The following DOK3 variants were observed in gnomAD, a reference collection of about 807,000 sequenced individuals.
The protein encoded by DOK3 is Dok-like protein.
Under a neutral mutation model 26.2 loss-of-function variants are expected in DOK3, and 23 were observed. That is an observed-to-expected ratio of 0.88 (90% CI 0.63 to 1.24). DOK3 has a LOEUF of 1.24. Among genes scored for constraint, DOK3 ranks in the 50% most tolerant of loss-of-function variants. The pLI, the probability that DOK3 is intolerant of heterozygous loss-of-function variation, is 0.00. For missense variants in DOK3, 619 were observed against 610.6 expected (o/e 1.01, Z -0.15); for synonymous variants, 268 against 268.2 (o/e 1.00, Z 0.01).
At position 177,503,284 on chromosome 5, in the gene DOK3, G is replaced by A. The variant is rs1467953064; in HGVS notation, c.*699C>T. The stretch of plus-strand genomic sequence containing the variant: ...ACACGGCTGTGTCCCCCAGCGCCTG[G>A]CACTGAGTAGGCACGCAGCAAACTC... On this transcript the variant is annotated 3_prime_UTR_variant, in exon 6 of 6. Coordinates refer to ENST00000510898, the MANE Select transcript of DOK3 (RefSeq NM_001308236.3). The A allele has an allele frequency of 6.5e-7, 1 of 1,550,356 alleles. No individual in the cohort carries two copies. Among genetic ancestry groups the A allele is most frequent in the Non-Finnish European group, 8.7e-7 (1 of 1,145,764 alleles).
At position 177,502,882 on chromosome 5, in the gene DOK3, C is replaced by A; in HGVS notation, c.*1101G>T. On this transcript the variant is annotated 3_prime_UTR_variant, in exon 6 of 6. Coordinates refer to ENST00000510898, the MANE Select transcript of DOK3 (RefSeq NM_001308236.3). The stretch of plus-strand genomic sequence containing the variant: ...TGGAGAACAAAGAGGGGATGGTGGG[C>A]AGAGGCCTCGAAGAGCCAGAAAAGG... 1 of 612,558 alleles carries A rather than the reference C, an allele frequency of 1.6e-6. No homozygotes were observed. 37.9% of individuals were successfully genotyped at this position (612,558 alleles called of 1,614,324 possible).
rs761557450 is a variant in DOK3 at position 177,504,584 on chromosome 5, G to A, written c.722C>T (p.Pro241Leu). ...CCCGGCCACAGCCCTGCACAGGTCA[G>A]GGGCACAGGGGGTGCTGAAGGCAAA... ...GLFAFSTPCA[P>L]DLCRAVAGAI... Residue 241 changes from proline (P) to leucine (L), a missense_variant, in exon 6 of 6, where the codon CCT becomes CTT. By Grantham distance (98) the Pro-to-Leu change is moderately conservative. Coordinates refer to ENST00000510898, the MANE Select transcript of DOK3 (RefSeq NM_001308236.3). 2.7e-5 allele frequency: 44 copies of A among 1,606,702 alleles called. No individual in the cohort carries two copies. In the Middle Eastern group the frequency reaches 5.0e-4, roughly 18 times the overall value.
rs1760743525 is a variant in DOK3, at chr5:177,509,768, C to A, written c.-128G>T. 2.5e-6 allele frequency: 4 copies of A among 1,611,832 alleles called. No homozygotes were observed. The highest frequency in any genetic ancestry group is 2.2e-5 in the East Asian group (1 of 44,864). On this transcript the variant is annotated 5_prime_UTR_variant, in exon 1 of 6. Coordinates refer to ENST00000510898, the MANE Select transcript of DOK3 (RefSeq NM_001308236.3). Reference sequence around the variant, plus strand: ...GGTGCCCACACCTACCTGGAGGGAGCCCCCGGCCACCTGAAGGCAGCCTTC... The same window carrying A: ...GGTGCCCACACCTACCTGGAGGGAGACCCCGGCCACCTGAAGGCAGCCTTC...
Position 177,502,910 on chromosome 5 carries a change from C to A in DOK3, c.*1073G>T. The A allele has an allele frequency of 1.4e-6, 1 of 728,334 alleles. No individual in the cohort carries two copies. The highest frequency in any genetic ancestry group is 2.2e-6 in the Non-Finnish European group (1 of 451,568). The allele number at this position is 728,334 out of a possible 1,614,324, so 45.1% of individuals were successfully genotyped here. A position where few individuals can be genotyped will look rare whatever the true frequency, so the allele number is the denominator to read the frequency against. Reference sequence around the variant, plus strand: ...AGGCCTCGAAGAGCCAGAAAAGGGTCCCTGCAGGTCGACATGCCTAGGCAG... The same window carrying A: ...AGGCCTCGAAGAGCCAGAAAAGGGTACCTGCAGGTCGACATGCCTAGGCAG... On this transcript the variant is annotated 3_prime_UTR_variant, in exon 6 of 6. Transcript: ENST00000510898.
At position 177,504,629 on chromosome 5, in the gene DOK3, C is replaced by T. The variant is rs1205443503; in HGVS notation, c.677G>A (p.Cys226Tyr). Reference sequence around the variant, plus strand: ...GGCAAAGAGGCCCTCACCCGAGTGGCAGCGACGGCCGGCCTCAAAGGAGAA... The same window carrying T: ...GGCAAAGAGGCCCTCACCCGAGTGGTAGCGACGGCCGGCCTCAAAGGAGAA... The part of the protein sequence containing the change: ...GVFSFEAGRR[C>Y]HSGEGLFAFS... The change falls in exon 6 of 6, where the codon TGC becomes TAC. Residue 226 changes from cysteine (C) to tyrosine (Y), a missense_variant. Physicochemically the swap from Cys to Tyr is radical, Grantham distance 194. Transcript: ENST00000510898. 1.2e-6 allele frequency: 2 copies of T among 1,611,528 alleles called. No individual in the cohort carries two copies. The highest frequency in any genetic ancestry group is 8.5e-7 in the Non-Finnish European group (1 of 1,179,540).
At position 177,503,228 on chromosome 5, in the gene DOK3, C is replaced by T; in HGVS notation, c.*755G>A. The T allele has an allele frequency of 6.4e-7, 1 of 1,551,690 alleles. No homozygotes were observed. The highest frequency in any genetic ancestry group is 1.7e-4 in the Middle Eastern group (1 of 5,992). On this transcript the variant is annotated 3_prime_UTR_variant, in exon 6 of 6. Transcript: ENST00000510898. ...AACTTCTCTCCCCCTGGAATGTCGGCTCCCGGAGAACAGGACCAAGGCTGT... is the reference window on the plus strand; with the variant it reads ...AACTTCTCTCCCCCTGGAATGTCGGTTCCCGGAGAACAGGACCAAGGCTGT...
At chr5:177,506,928 C>G (rs369062351) in intron 3 of DOK3, among the ~76,000 whole-genome samples, 1 of 152,020 alleles carries the variant, frequency 6.6e-6, no homozygotes, top group Non-Finnish European at 1.5e-5. Flanking sequence ...TCAGGTGATC[C>G]GCCCGCCTCG....
intron 2 of DOK3, 65 bp downstream of exon 2, chr5:177,509,410 G>A: frequency 6.4e-7 from 1 of 1,552,872 alleles, no homozygotes; most frequent in Non-Finnish European, 8.7e-7. Context: ...CGAGGCAGGG[G>A]CAGAGGCTGC....
chr5:177,507,273 T>G (rs1477065399), intron 3 of DOK3, among the ~76,000 whole-genome samples: 2 of 152,002 alleles, frequency 1.3e-5, no homozygotes, highest in Non-Finnish European at 2.9e-5. Flanking sequence ...TACCTCAGCC[T>G]CCCAAAGTGC....
Position 177,503,091 on chromosome 5 carries a change from G to C in DOK3, c.*892C>G. ...TGCAGCTGAGGTGGAGTTGCGGTGAGGGGCTGGGCAGTCAGAGCCCTGGAG... is the reference window on the plus strand; with the variant it reads ...TGCAGCTGAGGTGGAGTTGCGGTGACGGGCTGGGCAGTCAGAGCCCTGGAG... On this transcript the variant is annotated 3_prime_UTR_variant, in exon 6 of 6. Transcript: ENST00000510898. 1 of 1,549,624 alleles carries C rather than the reference G, an allele frequency of 6.5e-7. No individual in the cohort carries two copies. The highest frequency in any genetic ancestry group is 8.7e-7 in the Non-Finnish European group (1 of 1,145,384).
At chr5:177,508,704 T>G in intron 2 of DOK3, 162 bp from the exon 3 acceptor site, 1 of 735,190 alleles carries the variant, frequency 1.4e-6, no homozygotes, top group Non-Finnish European at 2.1e-6. Context: ...TGCTTGGGAT[T>G]GGTCAGCCCT....
chr5:177,504,932 G>A lies in DOK3; in HGVS notation c.473-17C>T. On this transcript the variant is annotated splice_polypyrimidine_tract_variant and intron_variant, in intron 4 of 5. Coordinates refer to ENST00000510898, the MANE Select transcript of DOK3 (RefSeq NM_001308236.3). ...ACTCGCCCACTGTGGCAGGTGGCCAGGACAGCTCCGTCAGTCCCAAAAAGA... is the reference window on the plus strand; with the variant it reads ...ACTCGCCCACTGTGGCAGGTGGCCAAGACAGCTCCGTCAGTCCCAAAAAGA... The A allele has an allele frequency of 6.3e-7, 1 of 1,580,506 alleles. No homozygotes were observed. The highest frequency in any genetic ancestry group is 1.8e-5 in the Admixed American group (1 of 57,108).
Position 177,503,885 on chromosome 5 carries a change from C to G in DOK3, c.*98G>C. 1 of 1,444,798 alleles carries G rather than the reference C, an allele frequency of 6.9e-7. No homozygotes were observed. Among genetic ancestry groups the G allele is most frequent in the Non-Finnish European group, 9.1e-7 (1 of 1,102,944 alleles). The allele number at this position is 1,444,798 out of a possible 1,614,324, so 89.5% of individuals were successfully genotyped here. A position where few individuals can be genotyped will look rare whatever the true frequency, so the allele number is the denominator to read the frequency against. On this transcript the variant is annotated 3_prime_UTR_variant, in exon 6 of 6. Transcript: ENST00000510898. ...TTGTTCCTGCAGGCCAGGGTGGACA[C>G]AGGCGTGTGTCTGCATGGGCCCAAT...
Position 177,504,611 on chromosome 5 carries a change from A to G in DOK3, c.695T>C (p.Leu232Pro). 6.2e-7 allele frequency: 1 copy of G among 1,611,620 alleles called. No homozygotes were observed. Among genetic ancestry groups the G allele is most frequent in the African/African-American group, 1.3e-5 (1 of 75,040 alleles). ...GGCACAGGGGGTGCTGAAGGCAAAG[A>G]GGCCCTCACCCGAGTGGCAGCGACG... Reference protein sequence around the residue: ...AGRRCHSGEGLFAFSTPCAPD... With the variant: ...AGRRCHSGEGPFAFSTPCAPD... The change falls in exon 6 of 6, where the codon CTC (leucine) becomes CCC (proline). Residue 232 changes from leucine to proline, a missense_variant. Transcript: ENST00000510898.
At chr5:177,508,795 C>G in intron 2 of DOK3, 1 of 420,064 alleles carries the variant, frequency 2.4e-6, no homozygotes, top group Non-Finnish European at 4.2e-6. Flanking sequence ...CATGAGAACT[C>G]GAGCTGGGAC....
At position 177,503,323 on chromosome 5, in the gene DOK3, T is replaced by C; in HGVS notation, c.*660A>G. 1 of 1,551,528 alleles carries C rather than the reference T, an allele frequency of 6.4e-7. No homozygotes were observed. The highest frequency in any genetic ancestry group is 8.7e-7 in the Non-Finnish European group (1 of 1,146,772). ...CGCAGCAAACTCTCATCAAGGATTA[T>C]GCCTGATACGTCATCGGTTCTCTCT... On this transcript the variant is annotated 3_prime_UTR_variant, in exon 6 of 6. Transcript: ENST00000510898.
In DOK3 at chr5:177,503,216, CT is replaced by C. The variant is rs1461147373; in HGVS notation, c.*766del. 3.9e-6 allele frequency: 6 copies of C among 1,551,600 alleles called. No individual in the cohort carries two copies. ...AAGTCTTCAGGAAACTTCTCTCCCC[CT>C]GGAATGTCGGCTCCCGGAGAACAGG... On this transcript the variant is annotated 3_prime_UTR_variant, in exon 6 of 6. Coordinates refer to ENST00000510898, the MANE Select transcript of DOK3 (RefSeq NM_001308236.3).
At chr5:177,509,329 A>G in intron 2 of DOK3, 146 bp downstream of exon 2, 1 of 1,070,500 alleles carries the variant, frequency 9.3e-7, no homozygotes, top group Non-Finnish European at 1.3e-6. Flanking sequence ...ACTCCATTCC[A>G]CTCCCCATAC....
chr5:177,509,463 AG>A lies in DOK3; in HGVS notation c.66+11del, dbSNP rs1286471385. 1 of 1,601,338 alleles carries A rather than the reference AG, an allele frequency of 6.2e-7. No individual in the cohort carries two copies. The highest frequency in any genetic ancestry group is 1.7e-5 in the Admixed American group (1 of 57,778). On this transcript the variant is annotated intron_variant, in intron 2 of 5. Transcript: ENST00000510898. ...GGTCCTTGGCAGCTGCCTGGCAGCC[AG>A]GGGTCCCCACCTTGCCAAACTTGAC... is the stretch of plus-strand genomic sequence containing the variant.
Sources: allele counts gnomAD v4.1 joint callset (sites outside exome capture counted in the v4.1 genomes callset), GRCh38; gene constraint gnomAD v4.1.1; transcripts MANE v1.5; gene names NCBI Gene and HGNC (gene_info 2026-07-23, HGNC 2026-07-21).